RORA: variants seen among roughly 807,000 people sequenced by gnomAD.
The protein encoded by RORA is nuclear receptor ROR-alpha.
Under a neutral mutation model 69.5 loss-of-function variants are expected in RORA, and 7 were observed. The observed-to-expected ratio is 0.10, with a 90% CI of 0.06 to 0.19. The LOEUF (loss-of-function observed/expected upper bound fraction) is 0.19. Among genes scored for constraint, RORA ranks in the 10% least tolerant of loss-of-function variants. The pLI is 1.00. For synonymous variants in RORA, 261 were observed against 240.8 expected (o/e 1.08, Z -0.78); for missense variants, 457 against 663.0 (o/e 0.69, Z 3.41).
intron 1 of RORA, among the ~76,000 whole-genome samples, chr15:61,116,771 C>G (rs1017231136): frequency 2.0e-5 from 3 of 150,050 alleles, no homozygotes; most frequent in African/African-American, 7.4e-5. Context: ...ATTTTTTTTT[C>G]TTTTTTCTGA....
chr15:60,680,914 G>A lies in RORA; in HGVS notation c.167-2228C>T, dbSNP rs187098201. ...CACTCCTGACACAAGAGCAATATTT[G>A]TTAAAATTGCATTACAACTGCTTAA... On this transcript the variant is annotated intron_variant, in intron 1 of 10. Coordinates refer to ENST00000335670, the MANE Select transcript of RORA (RefSeq NM_134261.3). Among the ~76,000 whole-genome samples the A allele has an allele frequency of 4.3e-4, 66 of 152,238 alleles. 1 individual carries two copies. The highest frequency in any genetic ancestry group is 3.9e-3 in the Admixed American group (60 of 15,292).
At chr15:60,507,554 CTG>C (rs1043587601) in intron 5 of RORA, among the ~76,000 whole-genome samples, 4 of 151,926 alleles carry the variant, frequency 2.6e-5, no homozygotes, top group South Asian at 4.2e-4. Flanking sequence ...GAATGAGAAA[CTG>C]AGAGTGAGAG....
chr15:60,897,297 C>T (rs1050681694), intron 1 of RORA, among the ~76,000 whole-genome samples: 2 of 152,192 alleles, frequency 1.3e-5, no homozygotes, highest in Admixed American at 1.3e-4. Flanking sequence ...ATATCAGGGC[C>T]TTTCACTCAT....
chr15:60,679,747 CACGGCAG>C (rs2070613715), intron 1 of RORA, among the ~76,000 whole-genome samples: 1 of 152,008 alleles, frequency 6.6e-6, no homozygotes, highest in Non-Finnish European at 1.5e-5. Flanking sequence ...TGTGAAAATC[CACGGCAG>C]ACATTTTTTA....
At chr15:60,700,941 G>A (rs2070972609) in intron 1 of RORA, among the ~76,000 whole-genome samples, 1 of 152,168 alleles carries the variant, frequency 6.6e-6, no homozygotes, top group Admixed American at 6.5e-5. Flanking sequence ...TGGGTGAAGG[G>A]ATGGGTGGGG....
intron 2 of RORA, among the ~76,000 whole-genome samples, chr15:60,611,620 A>C (rs975009510): frequency 7.3e-6 from 1 of 137,382 alleles, no homozygotes; most frequent in African/African-American, 2.7e-5. Flanking sequence ...AGGAGTCTAG[A>C]GAACTCTTAG....
intron 1 of RORA, among the ~76,000 whole-genome samples, chr15:61,080,682 A>G (rs1266065709): frequency 6.6e-6 from 1 of 152,230 alleles, no homozygotes; most frequent in Non-Finnish European, 1.5e-5. Context: ...CGTCCTGCAC[A>G]CAGTGGGTAT....
At chr15:60,643,491 A>T (rs1443073839) in intron 2 of RORA, among the ~76,000 whole-genome samples, 1 of 152,242 alleles carries the variant, frequency 6.6e-6, no homozygotes, top group Non-Finnish European at 1.5e-5. Flanking sequence ...GTGTTCCAAG[A>T]ATAACCCTGG....
chr15:61,092,088 C>T (rs2078716085), intron 1 of RORA, among the ~76,000 whole-genome samples: 1 of 152,028 alleles, frequency 6.6e-6, no homozygotes, highest in South Asian at 2.1e-4. Context: ...GAACTTGGGC[C>T]AACACAATGT....
At chr15:61,099,160 A>C (rs764766483) in intron 1 of RORA, among the ~76,000 whole-genome samples, 1 of 152,152 alleles carries the variant, frequency 6.6e-6, no homozygotes, top group Non-Finnish European at 1.5e-5. Context: ...CACTCTAAAA[A>C]CCTCAAGAAC....
At chr15:60,756,369 T>C (rs1189337440) in intron 1 of RORA, among the ~76,000 whole-genome samples, 1 of 152,222 alleles carries the variant, frequency 6.6e-6, no homozygotes. Flanking sequence ...TGTCTGATTC[T>C]TACCCACAGC....
At chr15:60,683,647 TACACACACACAC>T in intron 1 of RORA, among the ~76,000 whole-genome samples, 1 of 148,734 alleles carries the variant, frequency 6.7e-6, no homozygotes, top group Non-Finnish European at 1.5e-5. Flanking sequence ...CAGATACACA[TACACACACACAC>T]ACACACACAC....
intron 2 of RORA, among the ~76,000 whole-genome samples, chr15:60,574,265 T>C (rs1402990462): frequency 6.6e-6 from 1 of 152,216 alleles, no homozygotes; most frequent in African/African-American, 2.4e-5. Flanking sequence ...GAAAGGCTAA[T>C]GTAAGTATTA....
chr15:60,745,028 C>T (rs189102627), intron 1 of RORA, among the ~76,000 whole-genome samples: 48 of 152,342 alleles, frequency 3.2e-4, no homozygotes, highest in South Asian at 2.1e-4. Context: ...TGACTTCACC[C>T]GCTGGCTCCC....
chr15:60,538,477 C>T (rs762201799), intron 2 of RORA, among the ~76,000 whole-genome samples: 3 of 143,936 alleles, frequency 2.1e-5, no homozygotes, highest in Non-Finnish European at 4.7e-5. Flanking sequence ...GATTGCGATG[C>T]TGTGTCCTAT....
chr15:60,914,931 G>C (rs1489597194), intron 1 of RORA, among the ~76,000 whole-genome samples: 1 of 152,184 alleles, frequency 6.6e-6, no homozygotes, highest in Non-Finnish European at 1.5e-5. Context: ...GGCACTTATT[G>C]GGTATTGGGC....
At chr15:60,578,765 CTT>C (rs768047660) in intron 2 of RORA, among the ~76,000 whole-genome samples, 13 of 138,818 alleles carry the variant, frequency 9.4e-5, no homozygotes, top group East Asian at 2.1e-4. Context: ...TTAAATGAAA[CTT>C]TTTTTTTTTT....
At chr15:60,503,733 G>C in intron 6 of RORA, 66 bp from the exon 7 acceptor site, 1 of 1,589,972 alleles carries the variant, frequency 6.3e-7, no homozygotes, top group Non-Finnish European at 8.6e-7. Flanking sequence ...AGAAGCTGCA[G>C]AGTTATGAAA....
intron 1 of RORA, among the ~76,000 whole-genome samples, chr15:60,742,239 C>A (rs1433538687): frequency 2.6e-5 from 4 of 152,140 alleles, no homozygotes; most frequent in Non-Finnish European, 5.9e-5. Flanking sequence ...AAAATAACTT[C>A]AATGTTTGAG....
Sources: gnomAD v4.1 joint callset for allele counts (sites outside exome capture counted in the v4.1 genomes callset) on GRCh38, gnomAD v4.1.1 for gene constraint, MANE v1.5 for transcripts, NCBI Gene and HGNC (gene_info 2026-07-23, HGNC 2026-07-21) for gene names.